Variants in ABCF2 observed in about 807,000 individuals in gnomAD.
ABCF2 encodes the protein ATP-binding cassette sub-family F member 2.
A neutral mutation model predicts 76.9 loss-of-function variants in ABCF2; 37 were observed. The observed-to-expected ratio is 0.48, with a 90% CI of 0.37 to 0.63. ABCF2 has a LOEUF of 0.63. ABCF2 is among the 30% of genes least tolerant of loss of function. The pLI, the probability that ABCF2 is intolerant of heterozygous loss-of-function variation, is 0.00. For missense variants in ABCF2, 524 were observed against 782.1 expected (o/e 0.67, Z 3.94); for synonymous variants, 299 against 283.7 (o/e 1.05, Z -0.54).
chr7:151,218,755 T>G lies in ABCF2; in HGVS notation c.1136A>C (p.Lys379Thr). ...SGLTERVVSD[K>T]TLSFYFPPCG... is the part of the protein sequence containing the mutation. ...ACACCCCACCCAATCACACCCCACC[T>G]TATCGCTCACGACCCTCTCTGTCAG... Residue 379 changes from lysine to threonine, a missense_variant and splice_region_variant, in exon 9 of 15, where the codon AAG becomes ACG. Physicochemically the swap from Lys to Thr is moderately conservative, Grantham distance 78 (BLOSUM62 -1). Transcript: ENST00000287844. 1.9e-6 allele frequency: 3 copies of G among 1,561,298 alleles called. No homozygotes were observed. Among genetic ancestry groups the G allele is most frequent in the Non-Finnish European group, 2.6e-6 (3 of 1,137,802 alleles).
chr7:151,218,429 G>T, intron 10 of ABCF2, 132 bp downstream of exon 10: 1 of 819,006 alleles, frequency 1.2e-6, no homozygotes, highest in Non-Finnish European at 1.9e-6. Flanking sequence ...AGGCACCCCA[G>T]CTGCCACACC....
At chr7:151,222,429 C>T (rs1802287214) in intron 6 of ABCF2, 92 bp downstream of exon 6, 1 of 1,029,986 alleles carries the variant, frequency 9.7e-7, no homozygotes, top group Non-Finnish European at 1.5e-6. Context: ...TCCTTTCTCA[C>T]CGCTCTAACA....
chr7:151,222,289 AT>A (rs75061489), intron 6 of ABCF2, among the ~76,000 whole-genome samples: 23 of 149,914 alleles, frequency 1.5e-4, no homozygotes, highest in African/African-American at 2.7e-4. Flanking sequence ...ACCAACAAGG[AT>A]TTTTTTTAAA....
rs752488420 is a variant in ABCF2 at position 151,214,184 on chromosome 7, T to C, written c.1742A>G (p.Gln581Arg). 1.9e-6 allele frequency: 3 copies of C among 1,614,184 alleles called. No individual in the cohort carries two copies. Among genetic ancestry groups the C allele is most frequent in the South Asian group, 2.2e-5 (2 of 91,080 alleles). Residue 581 changes from glutamine to arginine, a missense_variant, in exon 15 of 15, where the codon CAG (glutamine) becomes CGG (arginine). By Grantham distance (43) the Gln-to-Arg change is conservative. Coordinates refer to ENST00000287844, the MANE Select transcript of ABCF2 (RefSeq NM_007189.3). This position sits in a 1 kb window ranked among gnomAD's most constrained non-coding sequence, Gnocchi z 4.9. The stretch of plus-strand genomic sequence containing the variant: ...CTGCTTCTCACAGACCCAAATTTCC[T>C]GTGCAACCTAGAAAGCAAAACCTGG... ...HDFRLIQQVA[Q>R]EIWVCEKQTI...
In ABCF2 at chr7:151,215,997, G is replaced by A. The variant is rs776516640; in HGVS notation, c.1371C>T (p.His457=). ...GGTAACGCCCTATCTTGACATGAGA[G>A]TGTTTTCGGATCATGCCATCTGTGG... ...LLPTDGMIRK[H]SHVKIGRYHQ... Residue 457 remains histidine, a synonymous_variant, in exon 12 of 15, where the codon CAC becomes CAT. Coordinates refer to ENST00000287844, the MANE Select transcript of ABCF2 (RefSeq NM_007189.3). This position sits in a 1 kb window ranked among gnomAD's most constrained non-coding sequence, Gnocchi z 4.6. 34 of 1,614,026 alleles carry A rather than the reference G, an allele frequency of 2.1e-5. No individual in the cohort carries two copies. The East Asian group carries it at 4.9e-4, about 23-fold the overall frequency.
chr7:151,222,466 T>C, intron 6 of ABCF2, 55 bp downstream of exon 6: 2 of 1,437,768 alleles, frequency 1.4e-6, no homozygotes, highest in Non-Finnish European at 2.0e-6. Flanking sequence ...GCATCCATTT[T>C]CTAGATTCCC....
chr7:151,212,202 A>C lies in ABCF2; in HGVS notation c.*1852T>G. The C allele has an allele frequency of 1.0e-6, 1 of 985,390 alleles. No homozygotes were observed. Among genetic ancestry groups the C allele is most frequent in the South Asian group, 4.7e-5 (1 of 21,286 alleles). 61.0% of individuals were successfully genotyped at this position (985,390 alleles called of 1,614,324 possible). On this transcript the variant is annotated 3_prime_UTR_variant, in exon 15 of 15. Coordinates refer to ENST00000287844, the MANE Select transcript of ABCF2 (RefSeq NM_007189.3). ...TGAAAAATCATGGCTGTGTCTTCCC[A>C]TAGGGATGGCTGATTTCAGAGGCAG... is the stretch of plus-strand genomic sequence containing the variant.
At chr7:151,218,412 T>A in intron 10 of ABCF2, 149 bp downstream of exon 10, 2 of 758,238 alleles carry the variant, frequency 2.6e-6, no homozygotes, top group Non-Finnish European at 2.1e-6. Flanking sequence ...GCGAGCAGCC[T>A]TGGATGAGGC....
chr7:151,217,104 A>C (rs940833656), intron 11 of ABCF2, among the ~76,000 whole-genome samples: 1 of 152,170 alleles, frequency 6.6e-6, no homozygotes, highest in Non-Finnish European at 1.5e-5. Flanking sequence ...CTTTTACAAT[A>C]TTTTATATTC....
At chr7:151,219,352 C>T (rs1345338403) in intron 7 of ABCF2, among the ~76,000 whole-genome samples, 193 bp from the exon 8 acceptor site, 1 of 152,198 alleles carries the variant, frequency 6.6e-6, no homozygotes, top group Non-Finnish European at 1.5e-5. Context: ...ATTCTATGCC[C>T]CTCGCTCAGC....
rs548693821 is a variant in ABCF2, at chr7:151,224,686, G to T, written c.367+90C>A. On this transcript the variant is annotated intron_variant, in intron 3 of 14. Transcript: ENST00000287844. ...CTCCCATCCCTATTCTAAATGCTTTGCTCTGAACACAGTTGATGCTAAATA... is the reference window on the plus strand; with the variant it reads ...CTCCCATCCCTATTCTAAATGCTTTTCTCTGAACACAGTTGATGCTAAATA... The T allele has an allele frequency of 2.0e-5, 25 of 1,246,316 alleles. No individual in the cohort carries two copies. In the African/African-American group the frequency reaches 3.1e-4, roughly 15 times the overall value. 77.2% of individuals were successfully genotyped at this position (1,246,316 alleles called of 1,614,324 possible).
intron 7 of ABCF2, 79 bp from the exon 8 acceptor site, chr7:151,219,238 G>T: frequency 2.4e-6 from 3 of 1,260,316 alleles, no homozygotes; most frequent in East Asian, 4.7e-5. Context: ...AGTTTAGGGG[G>T]ATGAGGGATG....
rs1472655324 is a variant in ABCF2, at chr7:151,213,729, G to A, written c.*325C>T. The A allele has an allele frequency of 1.3e-5, 14 of 1,108,586 alleles. No individual in the cohort carries two copies. Among genetic ancestry groups the A allele is most frequent in the Admixed American group, 5.1e-5 (1 of 19,582 alleles). 68.7% of individuals were successfully genotyped at this position (1,108,586 alleles called of 1,614,324 possible). A position where few individuals can be genotyped will look rare whatever the true frequency, so the allele number is the denominator to read the frequency against. On this transcript the variant is annotated 3_prime_UTR_variant, in exon 15 of 15. Transcript: ENST00000287844. ...TAAGCTCCTCCGCAGGCCAAATCCA[G>A]GGCTTGGGCCCCTGGGCTAACCCGC...
chr7:151,215,114 G>A lies in ABCF2; in HGVS notation c.1531-32C>T. On this transcript the variant is annotated intron_variant, in intron 13 of 14. Transcript: ENST00000287844. The surrounding 1 kb of genome is among the most constrained non-coding windows in gnomAD (Gnocchi z 4.6). ...AGAACCGTGACCTACATATAACTTG[G>A]CATTATCCCCGCCAAACAGCACAGC... 6.3e-7 allele frequency: 1 copy of A among 1,584,606 alleles called. No individual in the cohort carries two copies. Among genetic ancestry groups the A allele is most frequent in the Non-Finnish European group, 8.6e-7 (1 of 1,161,646 alleles).
chr7:151,225,138 C>T (rs1020994393), intron 2 of ABCF2, 150 bp from the exon 3 acceptor site: 18 of 713,584 alleles, frequency 2.5e-5, no homozygotes, highest in East Asian at 2.1e-4. Flanking sequence ...AGAGCTGCCC[C>T]GACACCCTGC....
In ABCF2 at chr7:151,221,691, A is replaced by G; in HGVS notation, c.819-11T>C. The G allele has an allele frequency of 6.3e-7, 1 of 1,586,176 alleles. No individual in the cohort carries two copies. The highest frequency in any genetic ancestry group is 1.3e-5 in the African/African-American group (1 of 74,432). On this transcript the variant is annotated splice_polypyrimidine_tract_variant and intron_variant, in intron 6 of 14. Transcript: ENST00000287844. ...AAGATGCGCTTAAAACTGTAAAGCC[A>G]AAGAACCAATTAGTGAAGAGCTCAA...
Position 151,221,680 on chromosome 7 carries a change from A to G in ABCF2, c.819T>C (p.Thr273=), listed in dbSNP as rs1176416911. The change falls in exon 7 of 15, where the codon ACT becomes ACC. Residue 273 remains threonine (T), a splice_region_variant and synonymous_variant. Coordinates refer to ENST00000287844, the MANE Select transcript of ABCF2 (RefSeq NM_007189.3). ...ACVWLEEELK[T]FKRILVLVSH... ...AGACGAGGACCAAGATGCGCTTAAAACTGTAAAGCCAAAGAACCAATTAGT... is the reference window on the plus strand; with the variant it reads ...AGACGAGGACCAAGATGCGCTTAAAGCTGTAAAGCCAAAGAACCAATTAGT... The G allele has an allele frequency of 6.2e-7, 1 of 1,605,680 alleles. No individual in the cohort carries two copies. Among genetic ancestry groups the G allele is most frequent in the South Asian group, 1.1e-5 (1 of 90,902 alleles).
At chr7:151,221,334 G>T (rs1396295989) in intron 7 of ABCF2, among the ~76,000 whole-genome samples, 1 of 151,914 alleles carries the variant, frequency 6.6e-6, no homozygotes, top group African/African-American at 2.4e-5. Flanking sequence ...CAAGTAGCTG[G>T]GACTACAGGC....
In ABCF2 at chr7:151,214,293, A is replaced by T; in HGVS notation, c.1735-102T>A. 6.5e-7 allele frequency: 1 copy of T among 1,539,758 alleles called. No individual in the cohort carries two copies. Among genetic ancestry groups the T allele is most frequent in the Middle Eastern group, 1.7e-4 (1 of 5,894 alleles). On this transcript the variant is annotated intron_variant, in intron 14 of 14. Transcript: ENST00000287844. The surrounding 1 kb of genome is among the most constrained non-coding windows in gnomAD (Gnocchi z 4.9). ...GTCTAGGAAGAAAACTCCGCCCCCC[A>T]AACCCATATCCAACTCACTGTCTCA...
Sources: allele counts gnomAD v4.1 joint callset (sites outside exome capture counted in the v4.1 genomes callset), GRCh38; gene constraint gnomAD v4.1.1; non-coding constraint Gnocchi (gnomAD v3.1); transcripts MANE v1.5; gene names NCBI Gene and HGNC (gene_info 2026-07-23, HGNC 2026-07-21).